MPDZ: variants seen among roughly 807,000 people sequenced by gnomAD.
MPDZ encodes the protein multiple PDZ domain crumbs cell polarity complex component.
Under a neutral mutation model 239.1 loss-of-function variants are expected in MPDZ, and 234 were observed. The ratio of observed to expected loss-of-function variants is 0.98; its 90% CI spans 0.88 to 1.09. The LOEUF (loss-of-function observed/expected upper bound fraction) is 1.09. Ranked by LOEUF, MPDZ falls within the 50% of genes least tolerant of loss-of-function variation. The pLI is 0.00. For missense variants in MPDZ, 3,175 were observed against 2,510.0 expected (o/e 1.26, Z -5.66); for synonymous variants, 1,048 against 881.3 (o/e 1.19, Z -3.35).
intron 1 of MPDZ, among the ~76,000 whole-genome samples, chr9:13,271,518 C>T (rs1972949862): frequency 1.3e-5 from 2 of 152,294 alleles, no homozygotes; most frequent in African/African-American, 4.8e-5. Flanking sequence ...CCAGTGAGAA[C>T]AACTTTTATC....
At chr9:13,273,891 G>C (rs971805343) in intron 1 of MPDZ, among the ~76,000 whole-genome samples, 1 of 152,116 alleles carries the variant, frequency 6.6e-6, no homozygotes, top group African/African-American at 2.4e-5. Flanking sequence ...CAAAAGACCT[G>C]AGACATCAGT....
At chr9:13,161,307 C>G (rs150003622) in intron 23 of MPDZ, among the ~76,000 whole-genome samples, 19 of 152,164 alleles carry the variant, frequency 1.2e-4, no homozygotes, top group Non-Finnish European at 2.5e-4. Context: ...TGGCGGCTCA[C>G]GCTTATAATC....
In MPDZ at chr9:13,219,703, G is replaced by A. The variant is rs767026069; in HGVS notation, c.942C>T (p.Ser314=). ...KIGDTDLAGM[S]SEQVAQVLRQ... Reference sequence around the variant, plus strand: ...TAAGGACTTGTGCTACTTGCTCACTGCTCATTCCTGCTAGATCTGTGTCAC... The same window carrying A: ...TAAGGACTTGTGCTACTTGCTCACTACTCATTCCTGCTAGATCTGTGTCAC... Residue 314 remains serine, a synonymous_variant, in exon 8 of 47, where the codon AGC becomes AGT. Transcript: ENST00000319217. 6.2e-7 allele frequency: 1 copy of A among 1,612,714 alleles called. No individual in the cohort carries two copies. Among genetic ancestry groups the A allele is most frequent in the Non-Finnish European group, 8.5e-7 (1 of 1,179,204 alleles).
chr9:13,265,177 C>A (rs1422827601), intron 1 of MPDZ, among the ~76,000 whole-genome samples: 2 of 152,198 alleles, frequency 1.3e-5, no homozygotes, highest in Non-Finnish European at 2.9e-5. Context: ...AGTTCCTACA[C>A]TGGCAACAAA....
chr9:13,110,751 G>T lies in MPDZ; in HGVS notation c.5725-11C>A. On this transcript the variant is annotated splice_polypyrimidine_tract_variant and intron_variant, in intron 43 of 46. Transcript: ENST00000319217. ...AATCCTATCCCCAACCTGCAAGGGA[G>T]AGAAAGAAACAGCCATCTGCTAAAG... 1 of 1,605,958 alleles carries T rather than the reference G, an allele frequency of 6.2e-7. No individual in the cohort carries two copies. The highest frequency in any genetic ancestry group is 8.5e-7 in the Non-Finnish European group (1 of 1,174,882).
chr9:13,195,961 A>AT (rs1180189126), intron 13 of MPDZ, among the ~76,000 whole-genome samples, 160 bp downstream of exon 13: 2 of 151,902 alleles, frequency 1.3e-5, no homozygotes. Context: ...TCCAACCTAA[A>AT]TTTTTTTTAT....
chr9:13,188,810 TCA>T lies in MPDZ; in HGVS notation c.2336_2337del (p.Val779GlufsTer6), dbSNP rs769167929. Reference protein sequence around the residue: ...EALKGAPSGTVRIGVAKPLPL... With the variant: ...EALKGAPSGTXRIGVAKPLPL... Reference sequence around the variant, plus strand: ...GGTAAAGGCTTAGCAACTCCTATTCTCACAGTCCCTGACGGTGCTCCCTTCAG... The same window carrying T: ...GGTAAAGGCTTAGCAACTCCTATTCTCAGTCCCTGACGGTGCTCCCTTCAG... On this transcript the variant is annotated frameshift_variant, in exon 17 of 47. Transcript: ENST00000319217. LOFTEE classifies it high-confidence loss of function. 6.2e-7 allele frequency: 1 copy of T among 1,613,336 alleles called. No homozygotes were observed. The highest frequency in any genetic ancestry group is 1.1e-5 in the South Asian group (1 of 91,034).
chr9:13,113,979 C>T lies in MPDZ; in HGVS notation c.5509G>A (p.Gly1837Arg). Residue 1837 changes from glycine to arginine, a missense_variant, in exon 41 of 47, where the codon GGA becomes AGA. Gly to Arg is a moderately radical substitution (Grantham distance 125, BLOSUM62 -2). Transcript: ENST00000319217. The stretch of plus-strand genomic sequence containing the variant: ...TCCAGTGACTCAGATGTACTGGATC[C>T]AGAGAGTGGAAAAGTGAAAGATGAC... ...SLSSFTFPLS[G>R]SSTSESLESS... 1 of 1,599,080 alleles carries T rather than the reference C, an allele frequency of 6.3e-7. No homozygotes were observed.
intron 1 of MPDZ, among the ~76,000 whole-genome samples, chr9:13,251,463 G>A (rs923137634): frequency 1.3e-5 from 2 of 152,026 alleles, no homozygotes; most frequent in Non-Finnish European, 2.9e-5. Flanking sequence ...CTTTGCTGCC[G>A]AACAAATCTG....
At chr9:13,109,897 G>C (rs1365925284) in intron 45 of MPDZ, 55 bp downstream of exon 45, 5 of 1,391,542 alleles carry the variant, frequency 3.6e-6, no homozygotes, top group Non-Finnish European at 4.0e-6. Flanking sequence ...CAACTGTCAG[G>C]AAGACTTGAT....
In MPDZ at chr9:13,251,847, C is replaced by T. The variant is rs569694744; in HGVS notation, c.-57-1475G>A. ...AAATGTTAAATTGTTTAACTACTGG[C>T]ACTTGTTTTAAAAAGTGCCTTTGTG... On this transcript the variant is annotated intron_variant, in intron 1 of 46. Coordinates refer to ENST00000319217, the MANE Select transcript of MPDZ (RefSeq NM_001378778.1). Among the ~76,000 whole-genome samples, 6 of 152,284 alleles carry T rather than the reference C, an allele frequency of 3.9e-5. No homozygotes were observed. In the East Asian group the frequency reaches 1.2e-3, roughly 29 times the overall value.
rs540791025 is a variant in MPDZ, at chr9:13,261,947, A to G, written c.-57-11575T>C. On this transcript the variant is annotated intron_variant, in intron 1 of 46. Transcript: ENST00000319217. ...GTAGTCCCAGCTACTTGGGAGGCTA[A>G]GGTGAGAAGATTATCTGAGCCCAGG... 6.6e-4 allele frequency among the ~76,000 whole-genome samples: 101 copies of G among 152,052 alleles called. 2 individuals carry two copies. The South Asian group carries it at 0.02, about 31-fold the overall frequency.
chr9:13,113,009 AC>A lies in MPDZ; in HGVS notation c.5601+1del, dbSNP rs750970272. The A allele has an allele frequency of 1.9e-6, 3 of 1,582,810 alleles. No homozygotes were observed. The South Asian group carries it at 3.5e-5, about 18-fold the overall frequency. On this transcript the variant is annotated splice_donor_variant, in intron 42 of 46. Transcript: ENST00000319217. LOFTEE classifies it high-confidence loss of function. The stretch of plus-strand genomic sequence containing the variant: ...TTATATTGTTTTCTCTCCCCAAGTT[AC>A]CTTTTTCATTTCGACTGTTCTTAAT...
chr9:13,258,545 T>C (rs1001843425), intron 1 of MPDZ, among the ~76,000 whole-genome samples: 1 of 152,218 alleles, frequency 6.6e-6, no homozygotes, highest in Non-Finnish European at 1.5e-5. Flanking sequence ...TTTTCATAAA[T>C]CCAATTGTCC....
chr9:13,278,865 G>A (rs992965265), intron 1 of MPDZ, among the ~76,000 whole-genome samples: 3 of 151,944 alleles, frequency 2.0e-5, no homozygotes, highest in Admixed American at 1.3e-4. Flanking sequence ...ACCACGTAAC[G>A]GCGGATGGGG....
chr9:13,227,504 T>G (rs1587952886), intron 3 of MPDZ, among the ~76,000 whole-genome samples: 1 of 152,038 alleles, frequency 6.6e-6, no homozygotes, highest in East Asian at 1.9e-4. Flanking sequence ...CAAGACCTAA[T>G]GGCTATGGTA....
intron 1 of MPDZ, among the ~76,000 whole-genome samples, chr9:13,253,803 A>G (rs1321893841): frequency 6.6e-6 from 1 of 152,216 alleles, no homozygotes; most frequent in African/African-American, 2.4e-5. Flanking sequence ...GTTCAGCACT[A>G]ATGCTGAAGC....
At chr9:13,117,556 C>T (rs1040997241) in intron 39 of MPDZ, among the ~76,000 whole-genome samples, 10 of 149,972 alleles carry the variant, frequency 6.7e-5, no homozygotes, top group African/African-American at 2.0e-4. Context: ...GTGTCATGAA[C>T]ATCCTTTCAA....
chr9:13,226,738 G>A (rs1468121842), intron 3 of MPDZ, among the ~76,000 whole-genome samples: 4 of 152,060 alleles, frequency 2.6e-5, no homozygotes, highest in Non-Finnish European at 5.9e-5. Flanking sequence ...AGTGGAGACC[G>A]ACTAGAATGC....
Sources: allele counts gnomAD v4.1 joint callset (sites outside exome capture counted in the v4.1 genomes callset), GRCh38; gene constraint gnomAD v4.1.1; transcripts MANE v1.5; gene names NCBI Gene and HGNC (gene_info 2026-07-23, HGNC 2026-07-21).